The following KCNB2 variants were observed in gnomAD, a reference collection of about 807,000 sequenced individuals.
KCNB2 encodes the protein delayed rectifier potassium channel protein.
A neutral mutation model predicts 61.5 loss-of-function variants in KCNB2; 15 were observed. The observed-to-expected ratio is 0.24, with a 90% CI of 0.16 to 0.38. The LOEUF is 0.38. Ranked by LOEUF, KCNB2 falls within the 10% of genes least tolerant of loss-of-function variation. The pLI is 1.00. For missense variants in KCNB2, 828 were observed against 1,125.2 expected (o/e 0.74, Z 3.78); for synonymous variants, 457 against 446.0 (o/e 1.02, Z -0.31).
intron 2 of KCNB2, among the ~76,000 whole-genome samples, chr8:72,712,419 G>A (rs1807340521): frequency 6.6e-6 from 1 of 152,144 alleles, no homozygotes; most frequent in Non-Finnish European, 1.5e-5. Flanking sequence ...TGGCCTGGTG[G>A]CATAATTCAG....
intron 2 of KCNB2, among the ~76,000 whole-genome samples, chr8:72,743,924 T>C (rs1808012529): frequency 6.6e-6 from 1 of 152,174 alleles, no homozygotes; most frequent in Non-Finnish European, 1.5e-5. Context: ...CATAATGTAG[T>C]TTTAGTGAAT....
chr8:72,930,189 T>C (rs36171721), intron 2 of KCNB2, among the ~76,000 whole-genome samples: 12,707 of 151,604 alleles, frequency 0.084, 2,522 homozygotes, highest in East Asian at 0.8. Flanking sequence ...TTTCTTAATC[T>C]AGTCTATCAT....
intron 2 of KCNB2, among the ~76,000 whole-genome samples, chr8:72,607,467 T>C (rs1805468984): frequency 6.6e-6 from 1 of 152,206 alleles, no homozygotes; most frequent in Non-Finnish European, 1.5e-5. Flanking sequence ...GTAATTGTGT[T>C]ACCATTACAG....
chr8:72,632,135 A>T (rs1440707423), intron 2 of KCNB2, among the ~76,000 whole-genome samples: 1 of 151,960 alleles, frequency 6.6e-6, no homozygotes. Context: ...ATTCCCAGCT[A>T]CTTGAGAAGC....
intron 2 of KCNB2, among the ~76,000 whole-genome samples, chr8:72,692,042 C>T (rs1806947757): frequency 6.6e-6 from 1 of 151,940 alleles, no homozygotes; most frequent in Non-Finnish European, 1.5e-5. Context: ...CGAGACCATC[C>T]TGGCTAACAC....
intron 2 of KCNB2, among the ~76,000 whole-genome samples, chr8:72,696,498 G>A (rs1208318638): frequency 6.6e-6 from 1 of 152,084 alleles, no homozygotes; most frequent in East Asian, 1.9e-4. Context: ...GGTGTTGGGG[G>A]GTTATGATGT....
At chr8:72,884,064 C>G (rs982211359) in intron 2 of KCNB2, among the ~76,000 whole-genome samples, 1 of 152,154 alleles carries the variant, frequency 6.6e-6, no homozygotes, top group Non-Finnish European at 1.5e-5. Flanking sequence ...TTTCATTCCT[C>G]TTTCTCTTTT....
intron 2 of KCNB2, among the ~76,000 whole-genome samples, chr8:72,862,107 G>A (rs1297100699): frequency 6.6e-6 from 1 of 152,206 alleles, no homozygotes; most frequent in South Asian, 2.1e-4. Context: ...ACTCCAGGCT[G>A]ATGGACAGAG....
At chr8:72,752,401 C>T (rs1340126748) in intron 2 of KCNB2, among the ~76,000 whole-genome samples, 1 of 152,140 alleles carries the variant, frequency 6.6e-6, no homozygotes, top group African/African-American at 2.4e-5. Context: ...AGATGGTCCT[C>T]TTTAATGAGA....
intron 2 of KCNB2, among the ~76,000 whole-genome samples, chr8:72,752,007 G>A (rs1808198541): frequency 6.6e-6 from 1 of 152,174 alleles, no homozygotes; most frequent in Non-Finnish European, 1.5e-5. Flanking sequence ...GGAGATGGAT[G>A]CAAGAAATAT....
intron 2 of KCNB2, among the ~76,000 whole-genome samples, chr8:72,801,539 A>C (rs1450906224): frequency 6.6e-6 from 1 of 152,216 alleles, no homozygotes; most frequent in Non-Finnish European, 1.5e-5. Flanking sequence ...GCATTTCTTC[A>C]TTTCAAAATA....
At chr8:72,830,599 C>T (rs1376460335) in intron 2 of KCNB2, among the ~76,000 whole-genome samples, 4 of 152,288 alleles carry the variant, frequency 2.6e-5, no homozygotes, top group East Asian at 3.9e-4. Flanking sequence ...GGTAACATTC[C>T]ATTTTAATAT....
At chr8:72,559,219 C>T (rs1156635886) in intron 1 of KCNB2, among the ~76,000 whole-genome samples, 1 of 152,010 alleles carries the variant, frequency 6.6e-6, no homozygotes, top group Non-Finnish European at 1.5e-5. Context: ...GATCTGGGCT[C>T]ATTGCAACCT....
chr8:72,590,107 G>T (rs1456903698), intron 2 of KCNB2, among the ~76,000 whole-genome samples: 1 of 152,030 alleles, frequency 6.6e-6, no homozygotes, highest in East Asian at 1.9e-4. Context: ...CAGAATTCCT[G>T]GGTTCAACTC....
chr8:72,597,359 G>A (rs1807216726), intron 2 of KCNB2, among the ~76,000 whole-genome samples: 1 of 152,048 alleles, frequency 6.6e-6, no homozygotes, highest in South Asian at 2.1e-4. Context: ...ATAAATGACA[G>A]GATCAACCCA....
intron 2 of KCNB2, among the ~76,000 whole-genome samples, chr8:72,867,279 G>A (rs1244202069): frequency 6.6e-6 from 1 of 152,194 alleles, no homozygotes. Flanking sequence ...AGCTCCAGAT[G>A]TGAATATTTA....
At chr8:72,800,728 A>C (rs1809112446) in intron 2 of KCNB2, among the ~76,000 whole-genome samples, 1 of 152,204 alleles carries the variant, frequency 6.6e-6, no homozygotes, top group African/African-American at 2.4e-5. Flanking sequence ...AAGGGCAAGG[A>C]GGCAATTGGC....
At chr8:72,692,313 A>C (rs1277805574) in intron 2 of KCNB2, among the ~76,000 whole-genome samples, 1 of 151,868 alleles carries the variant, frequency 6.6e-6, no homozygotes, top group Non-Finnish European at 1.5e-5. Flanking sequence ...TCTATTAATT[A>C]ATTTTTATTG....
At chr8:72,594,656 G>A (rs186793298) in intron 2 of KCNB2, among the ~76,000 whole-genome samples, 189 of 152,202 alleles carry the variant, frequency 1.2e-3, no homozygotes, top group African/African-American at 4.2e-3. Context: ...ACACAGCAGC[G>A]CTTTTCCATA....
Sources: allele counts gnomAD v4.1 joint callset (sites outside exome capture counted in the v4.1 genomes callset), GRCh38; gene constraint gnomAD v4.1.1; transcripts MANE v1.5; gene names NCBI Gene and HGNC (gene_info 2026-07-23, HGNC 2026-07-21).